The following PTPRD variants were observed in gnomAD, a reference collection of about 807,000 sequenced individuals.
PTPRD encodes the protein receptor-type tyrosine-protein phosphatase delta.
Under a neutral mutation model 214.5 loss-of-function variants are expected in PTPRD, and 34 were observed. That is an observed-to-expected ratio of 0.16 (90% confidence interval 0.12 to 0.21). PTPRD has a LOEUF of 0.21. Ranked by LOEUF, PTPRD falls within the 10% of genes least tolerant of loss-of-function variation. The pLI is 1.00. For missense variants in PTPRD, 2,545 were observed against 2,398.7 expected, an observed-to-expected ratio of 1.06 and a Z score of -1.27; for synonymous variants, 1,128 against 845.7, an observed-to-expected ratio of 1.33 and a Z score of -5.79.
intron 3 of PTPRD, among the ~76,000 whole-genome samples, chr9:10,108,749 T>C (rs2098660850): frequency 6.6e-6 from 1 of 152,050 alleles, no homozygotes. Flanking sequence ...GAAAAAAATG[T>C]GGTATTTGCA....
chr9:9,939,576 G>T (rs1343067044), intron 4 of PTPRD, among the ~76,000 whole-genome samples: 1 of 152,090 alleles, frequency 6.6e-6, no homozygotes, highest in South Asian at 2.1e-4. Flanking sequence ...TGATCTAACT[G>T]CCAGAGTACC....
intron 8 of PTPRD, among the ~76,000 whole-genome samples, chr9:9,528,084 G>A (rs1207006258): frequency 1.3e-5 from 2 of 152,164 alleles, no homozygotes; most frequent in Non-Finnish European, 2.9e-5. Context: ...GTGAAATTGA[G>A]GAAACAGAAA....
chr9:10,509,579 A>ATATATATATATTTT (rs1402201904), intron 2 of PTPRD, among the ~76,000 whole-genome samples: 4 of 131,240 alleles, frequency 3.0e-5, no homozygotes, highest in Non-Finnish European at 1.6e-5. Context: ...ATATATATAT[A>ATATATATATATTTT]TTTTACTCAC....
chr9:9,357,307 T>C (rs939593225), intron 9 of PTPRD, among the ~76,000 whole-genome samples: 4 of 151,366 alleles, frequency 2.6e-5, no homozygotes, highest in African/African-American at 9.7e-5. Flanking sequence ...TGTTGAAATG[T>C]AAATTCCTGC....
chr9:9,774,392 T>C (rs943446514), intron 5 of PTPRD, among the ~76,000 whole-genome samples: 8 of 152,204 alleles, frequency 5.3e-5, no homozygotes, highest in African/African-American at 1.4e-4. Flanking sequence ...AAGTGCAAAA[T>C]CCTTTTAACA....
intron 10 of PTPRD, among the ~76,000 whole-genome samples, chr9:9,068,373 T>C (rs1007242092): frequency 1.3e-5 from 2 of 152,198 alleles, no homozygotes; most frequent in African/African-American, 2.4e-5. Flanking sequence ...ATGAATGCAA[T>C]TACTGGTTGC....
intron 3 of PTPRD, among the ~76,000 whole-genome samples, chr9:10,183,758 A>G (rs2099314309): frequency 6.6e-6 from 1 of 152,212 alleles, no homozygotes; most frequent in Non-Finnish European, 1.5e-5. Context: ...CAGATAAAAT[A>G]AAACGTCAAA....
At chr9:9,268,993 A>C (rs940321377) in intron 9 of PTPRD, among the ~76,000 whole-genome samples, 27 of 151,060 alleles carry the variant, frequency 1.8e-4, no homozygotes, top group South Asian at 4.2e-4. Flanking sequence ...CAAAAAAAAA[A>C]CCAAAAATAA....
At chr9:10,548,371 G>A (rs2060594970) in intron 2 of PTPRD, among the ~76,000 whole-genome samples, 1 of 152,016 alleles carries the variant, frequency 6.6e-6, no homozygotes, top group South Asian at 2.1e-4. Context: ...GCTATTAAAT[G>A]AAGAAATGTA....
intron 10 of PTPRD, among the ~76,000 whole-genome samples, chr9:9,082,664 C>A (rs1016445947): frequency 5.9e-5 from 9 of 152,062 alleles, no homozygotes; most frequent in African/African-American, 2.2e-4. Context: ...ATCGTATCAG[C>A]CCCAAATTTC....
intron 6 of PTPRD, among the ~76,000 whole-genome samples, chr9:9,750,026 G>T (rs1234232590): frequency 6.6e-6 from 1 of 152,058 alleles, no homozygotes; most frequent in Non-Finnish European, 1.5e-5. Flanking sequence ...TTGAAGATGG[G>T]TATTTTAATT....
chr9:8,410,701 TAC>T (rs1341638899), intron 35 of PTPRD, among the ~76,000 whole-genome samples: 1 of 152,172 alleles, frequency 6.6e-6, no homozygotes, highest in Non-Finnish European at 1.5e-5. Context: ...CATATTTTTG[TAC>T]ACAGTTAAAA....
intron 7 of PTPRD, among the ~76,000 whole-genome samples, chr9:9,638,051 T>C (rs2095827512): frequency 2.0e-5 from 3 of 152,160 alleles, no homozygotes; most frequent in East Asian, 1.9e-4. Flanking sequence ...TTCTTCAAAA[T>C]GTCTTTGGGG....
At chr9:9,940,764 C>G (rs996844052) in intron 4 of PTPRD, among the ~76,000 whole-genome samples, 3 of 152,178 alleles carry the variant, frequency 2.0e-5, no homozygotes, top group Non-Finnish European at 2.9e-5. Context: ...AACTTCTGCA[C>G]TTTCGTAAGG....
chr9:9,168,558 A>T (rs2099908448), intron 10 of PTPRD, among the ~76,000 whole-genome samples: 1 of 152,162 alleles, frequency 6.6e-6, no homozygotes, highest in Non-Finnish European at 1.5e-5. Context: ...TTTAAAATAC[A>T]GTTGAATATA....
At chr9:10,370,656 A>G (rs1344696648) in intron 2 of PTPRD, among the ~76,000 whole-genome samples, 2 of 152,132 alleles carry the variant, frequency 1.3e-5, no homozygotes, top group African/African-American at 4.8e-5. Context: ...AAATATATTT[A>G]GAAATCTTCA....
At chr9:9,890,770 A>G (rs1372236714) in intron 5 of PTPRD, among the ~76,000 whole-genome samples, 1 of 151,944 alleles carries the variant, frequency 6.6e-6, no homozygotes, top group Admixed American at 6.6e-5. Flanking sequence ...ATTTCCACCA[A>G]TTGGAAGGGG....
chr9:9,633,501 T>C (rs953264046), intron 7 of PTPRD, among the ~76,000 whole-genome samples: 6 of 146,170 alleles, frequency 4.1e-5, no homozygotes, highest in African/African-American at 1.5e-4. Flanking sequence ...CATATAGAAT[T>C]TAGATGTAAG....
At position 10,399,379 on chromosome 9, in the gene PTPRD, C is replaced by T. The variant is rs926110317; in HGVS notation, c.-599-58362G>A. ...CAGGAAACACAGTAGTGGTTTTAAG[C>T]AGAAATACAACATTAACATTAGAGT... On this transcript the variant is annotated intron_variant, in intron 2 of 45. Transcript: ENST00000381196. Among the ~76,000 whole-genome samples the T allele has an allele frequency of 1.1e-4, 16 of 151,986 alleles. No individual in the cohort carries two copies. The East Asian group carries it at 3.1e-3, about 30-fold the overall frequency.
Sources: allele counts gnomAD v4.1 joint callset (sites outside exome capture counted in the v4.1 genomes callset), GRCh38; gene constraint gnomAD v4.1.1; transcripts MANE v1.5; gene names NCBI Gene and HGNC (gene_info 2026-07-23, HGNC 2026-07-21).